USP13: variants seen among roughly 807,000 people sequenced by gnomAD.
The protein encoded by USP13 is ubiquitin specific peptidase 13.
In USP13, 68 loss-of-function variants were observed where a neutral mutation model predicts 107.8. The observed-to-expected ratio is 0.63, with a 90% confidence interval of 0.52 to 0.77. The LOEUF (loss-of-function observed/expected upper bound fraction) is 0.77, where lower values mean the gene tolerates loss of function less well. Ranked by LOEUF, USP13 falls within the 30% of genes least tolerant of loss-of-function variation. USP13 has a pLI of 0.00. For missense variants in USP13, 945 were observed against 1,093.3 expected (o/e 0.86, Z 1.91); for synonymous variants, 377 against 389.5 (o/e 0.97, Z 0.38).
In USP13 at chr3:179,653,768, T is replaced by TC. The variant is rs1420642078; in HGVS notation, c.168+381dup. On this transcript the variant is annotated intron_variant, in intron 1 of 20. Transcript: ENST00000263966. This position sits in a 1 kb window ranked among gnomAD's most constrained non-coding sequence, Gnocchi z 4.0. ...CAGGGCGGGTAGGTGGACGGGATGA[T>TC]CCCCCCACACCCCGGGACACACACA... The TC allele has an allele frequency of 2.0e-5, 4 of 195,224 alleles. No homozygotes were observed. Among genetic ancestry groups the TC allele is most frequent in the South Asian group, 1.1e-4 (1 of 8,904 alleles). The allele number at this position is 195,224 out of a possible 1,614,324, so 12.1% of individuals were successfully genotyped here. A position where few individuals can be genotyped will look rare whatever the true frequency, so the allele number is the denominator to read the frequency against.
intron 17 of USP13, among the ~76,000 whole-genome samples, chr3:179,762,318 C>A (rs192877399): frequency 6.6e-6 from 1 of 152,190 alleles, no homozygotes; most frequent in Non-Finnish European, 1.5e-5. Context: ...TGGTGGCTTA[C>A]GCCTGTAATC....
intron 19 of USP13, among the ~76,000 whole-genome samples, chr3:179,766,125 A>G (rs889525879): frequency 6.6e-6 from 1 of 152,038 alleles, no homozygotes; most frequent in African/African-American, 2.4e-5. Context: ...GATTACAGGC[A>G]TGTGCCACCA....
intron 19 of USP13, among the ~76,000 whole-genome samples, chr3:179,769,849 A>G (rs559436290): frequency 1.3e-5 from 2 of 152,322 alleles, no homozygotes; most frequent in South Asian, 4.1e-4. Flanking sequence ...TACTAAAAAT[A>G]ATATTGTGAT....
intron 10 of USP13, 87 bp from the exon 11 acceptor site, chr3:179,740,160 G>A (rs577113803): frequency 2.6e-6 from 4 of 1,563,130 alleles, no homozygotes; most frequent in South Asian, 1.2e-5. Flanking sequence ...GGAAAGTGGA[G>A]TTTATGGTGG....
intron 4 of USP13, among the ~76,000 whole-genome samples, chr3:179,705,177 G>T (rs1712669258): frequency 6.6e-6 from 1 of 152,140 alleles, no homozygotes; most frequent in African/African-American, 2.4e-5. Context: ...ATTGTTTCTT[G>T]TTCCTTCCTT....
chr3:179,762,780 T>C (rs1317707745), intron 17 of USP13, among the ~76,000 whole-genome samples: 1 of 152,224 alleles, frequency 6.6e-6, no homozygotes, highest in Admixed American at 6.5e-5. Flanking sequence ...CCATGTCATA[T>C]GGTAACTCTA....
intron 15 of USP13, among the ~76,000 whole-genome samples, chr3:179,755,345 A>AGT (rs1227257169): frequency 6.6e-6 from 1 of 151,828 alleles, no homozygotes; most frequent in Non-Finnish European, 1.5e-5. Context: ...CCCAGGCTGG[A>AGT]GTGCAGTGGC....
At chr3:179,713,740 T>G (rs984248566) in intron 6 of USP13, among the ~76,000 whole-genome samples, 6 of 152,164 alleles carry the variant, frequency 3.9e-5, no homozygotes, top group Admixed American at 1.3e-4. Context: ...TGAATTATAT[T>G]TAGAAGATTG....
intron 3 of USP13, among the ~76,000 whole-genome samples, chr3:179,700,691 A>C (rs1712486252): frequency 6.6e-6 from 1 of 152,246 alleles, no homozygotes; most frequent in Non-Finnish European, 1.5e-5. Flanking sequence ...AAGAGTTTCT[A>C]AGAAATTTTC....
chr3:179,728,855 G>A (rs1576958752), intron 8 of USP13, among the ~76,000 whole-genome samples: 1 of 152,110 alleles, frequency 6.6e-6, no homozygotes, highest in South Asian at 2.1e-4. Flanking sequence ...GGCGGCGCGC[G>A]CCTACAATCG....
At chr3:179,696,498 T>C (rs150110912) in intron 3 of USP13, among the ~76,000 whole-genome samples, 1 of 152,068 alleles carries the variant, frequency 6.6e-6, no homozygotes, top group Non-Finnish European at 1.5e-5. Flanking sequence ...ACCTGGCTAA[T>C]TTTTTTGTAT....
Position 179,653,163 on chromosome 3 carries a change from C to T in USP13, c.-63C>T. 2.7e-6 allele frequency: 3 copies of T among 1,108,394 alleles called. No homozygotes were observed. The highest frequency in any genetic ancestry group is 3.3e-6 in the Non-Finnish European group (3 of 908,306). 68.7% of individuals were successfully genotyped at this position (1,108,394 alleles called of 1,614,324 possible). ...TCAGCCCGCTCGCTGGCGCCGCCGCCGCCGGCAGACCCCGCGCTCCGGCTC... is the reference window on the plus strand; with the variant it reads ...TCAGCCCGCTCGCTGGCGCCGCCGCTGCCGGCAGACCCCGCGCTCCGGCTC... On this transcript the variant is annotated 5_prime_UTR_variant, in exon 1 of 21. Coordinates refer to ENST00000263966, the MANE Select transcript of USP13 (RefSeq NM_003940.3). The surrounding 1 kb of genome is among the most constrained non-coding windows in gnomAD (Gnocchi z 4.0).
chr3:179,706,804 C>T, intron 4 of USP13, 130 bp from the exon 5 acceptor site: 1 of 1,116,178 alleles, frequency 9.0e-7, no homozygotes, highest in African/African-American at 1.6e-5. Flanking sequence ...CAGGATCCCT[C>T]TCTTGCGACA....
At chr3:179,720,167 T>G in intron 7 of USP13, 133 bp downstream of exon 7, 1 of 558,356 alleles carries the variant, frequency 1.8e-6, no homozygotes, top group South Asian at 5.0e-5. Flanking sequence ...TAGCTTTTAA[T>G]TGTTGCATTT....
intron 1 of USP13, among the ~76,000 whole-genome samples, chr3:179,661,900 G>A (rs896024168): frequency 1.3e-5 from 2 of 152,152 alleles, no homozygotes; most frequent in South Asian, 2.1e-4. Context: ...TCGATGTGAG[G>A]TTTTCCTAGC....
At chr3:179,745,426 G>A (rs1182090594) in intron 13 of USP13, among the ~76,000 whole-genome samples, 4 of 152,034 alleles carry the variant, frequency 2.6e-5, no homozygotes, top group African/African-American at 7.3e-5. Flanking sequence ...TTTATATTAC[G>A]TGCTAAGGAG....
chr3:179,658,079 T>G (rs1000954576), intron 1 of USP13, among the ~76,000 whole-genome samples: 1 of 152,106 alleles, frequency 6.6e-6, no homozygotes, highest in Non-Finnish European at 1.5e-5. Context: ...CTCAGCCTCC[T>G]GAGTAGCTGG....
At chr3:179,717,344 T>A (rs566626501) in intron 6 of USP13, among the ~76,000 whole-genome samples, 1 of 152,372 alleles carries the variant, frequency 6.6e-6, no homozygotes, top group East Asian at 1.9e-4. Context: ...GTTTCTTGTA[T>A]GTTACTCACT....
chr3:179,728,545 C>T (rs1201044086), intron 8 of USP13, among the ~76,000 whole-genome samples: 2 of 151,492 alleles, frequency 1.3e-5, no homozygotes, highest in South Asian at 2.1e-4. Context: ...CGATGGGCGG[C>T]CAGGCAGAGA....
Sources: allele counts gnomAD v4.1 joint callset (sites outside exome capture counted in the v4.1 genomes callset), GRCh38; gene constraint gnomAD v4.1.1; non-coding constraint Gnocchi (gnomAD v3.1); transcripts MANE v1.5; gene names NCBI Gene and HGNC (gene_info 2026-07-23, HGNC 2026-07-21).